The following CETN2 variants were observed in gnomAD, a reference collection of about 807,000 sequenced individuals.
CETN2 encodes the protein centrin 2.
Under a neutral mutation model 12.6 loss-of-function variants are expected in CETN2, and 2 were observed. The ratio of observed to expected loss-of-function variants is 0.16; its 90% CI spans 0.07 to 0.50. CETN2 has a LOEUF of 0.50. Ranked by LOEUF, CETN2 falls within the 20% of genes least tolerant of loss-of-function variation. The probability of loss-of-function intolerance (pLI) is 0.96; values close to 1 mark genes in which losing one functional copy is unlikely to be tolerated. For synonymous variants in CETN2, 41 were observed against 43.4 expected (o/e 0.94, Z 0.22); for missense variants, 81 against 128.3 (o/e 0.63, Z 1.78).
intron 3 of CETN2, 155 bp from the exon 4 acceptor site, chrX:152,828,829 G>T: frequency 1.8e-6 from 1 of 560,221 alleles, no homozygotes; most frequent in Non-Finnish European, 2.7e-6. Context: ...AGCCCATTTT[G>T]GCCTCAAAGA....
intron 3 of CETN2, 161 bp from the exon 4 acceptor site, chrX:152,828,835 A>G: frequency 5.7e-6 from 3 of 527,860 alleles, no homozygotes; most frequent in Non-Finnish European, 9.0e-6. Context: ...TTTTGGCCTC[A>G]AAGAAACACC....
Position 152,827,494 on chromosome X carries a change from A to G in CETN2, c.*347T>C, listed in dbSNP as rs141585323. 6.8e-3 allele frequency: 1,118 copies of G among 163,647 alleles called. 13 individuals are homozygous for G. The highest frequency in any genetic ancestry group is 0.031 in the African/African-American group (1,040 of 33,453). 13.5% of individuals were successfully genotyped at this position (163,647 alleles called of 1,213,427 possible). A position where few individuals can be genotyped will look rare whatever the true frequency, so the allele number is the denominator to read the frequency against. On this transcript the variant is annotated 3_prime_UTR_variant, in exon 5 of 5. Transcript: ENST00000370277. Reference sequence around the variant, plus strand: ...CTGCTTGTGGCAACACAGGTGTAACATGTGCTTGTCTAAAGTCGTTCTGTG... The same window carrying G: ...CTGCTTGTGGCAACACAGGTGTAACGTGTGCTTGTCTAAAGTCGTTCTGTG...
At chrX:152,829,552 A>G in intron 2 of CETN2, 50 bp downstream of exon 2, 1 of 1,141,586 alleles carries the variant, frequency 8.8e-7, no homozygotes, top group Non-Finnish European at 1.2e-6. Flanking sequence ...GATGACAAGG[A>G]AGAGGCAGAG....
chrX:152,830,713 CCA>C lies in CETN2; in HGVS notation c.-5_-4del. On this transcript the variant is annotated 5_prime_UTR_variant, in exon 1 of 5. Transcript: ENST00000370277. ...GACAGAGCGGCAGCACTCACCATAG[CCA>C]AAGGAGTCCGCTGCCGGTTGTTAGG... 8.5e-7 allele frequency: 1 copy of C among 1,175,056 alleles called. No homozygotes were observed.
intron 3 of CETN2, 62 bp from the exon 4 acceptor site, chrX:152,828,736 T>G (rs1932973970): frequency 1.9e-6 from 2 of 1,036,029 alleles, no homozygotes; most frequent in Admixed American, 5.5e-5. Context: ...ACTACTGTCC[T>G]GTAGCCCTGC....
At position 152,828,570 on chromosome X, in the gene CETN2, C is replaced by A. The variant is rs1556842933; in HGVS notation, c.396G>T (p.Glu132Asp). 2 of 1,211,760 alleles carry A rather than the reference C, an allele frequency of 1.7e-6. No individual in the cohort carries two copies. The highest frequency in any genetic ancestry group is 2.2e-6 in the Non-Finnish European group (2 of 895,382). The change falls in exon 4 of 5, where the codon GAG (glutamate) becomes GAT (aspartate). Residue 132 changes from glutamate (E) to aspartate (D), a missense_variant. By Grantham distance (45) the Glu-to-Asp change is conservative. Transcript: ENST00000370277. Reference sequence around the variant, plus strand: ...CCTCATCAGTCAGGTTCTCACCCAACTCCTTGGCCACGCGTTTCAGATTTT... The same window carrying A: ...CCTCATCAGTCAGGTTCTCACCCAAATCCTTGGCCACGCGTTTCAGATTTT... The part of the protein sequence containing the change: ...SFKNLKRVAK[E>D]LGENLTDEEL...
chrX:152,828,700 T>C (rs1556842968), intron 3 of CETN2, 26 bp from the exon 4 acceptor site: 2 of 1,191,749 alleles, frequency 1.7e-6, no homozygotes, highest in Non-Finnish European at 2.3e-6. Context: ...ATAAAACACA[T>C]GAGTAGGGGG....
Position 152,829,211 on chromosome X carries a change from C to A in CETN2, c.229G>T (p.Asp77Tyr). ...TTCATTTTTCCTGTCCCTTCCTTAT[C>A]AATTTCACTTATCATTTTCTTAATT... ...EEIKKMISEI[D>Y]KEGTGKMNFG... The change falls in exon 3 of 5, where the codon GAT becomes TAT. Residue 77 changes from aspartate (D) to tyrosine (Y), a missense_variant. Transcript: ENST00000370277. 8.3e-7 allele frequency: 1 copy of A among 1,206,685 alleles called. No individual in the cohort carries two copies.
Position 152,827,377 on chromosome X carries a change from C to A in CETN2, c.*464G>T. 1 of 117,827 alleles carries A rather than the reference C, an allele frequency of 8.5e-6. No homozygotes were observed. 9.7% of individuals were successfully genotyped at this position (117,827 alleles called of 1,213,427 possible). ...TAAGACAAAACAAATAGCATTAACA[C>A]ACATCCAAATGCCAGTGCAGGAGTT... On this transcript the variant is annotated 3_prime_UTR_variant, in exon 5 of 5. Transcript: ENST00000370277.
At chrX:152,829,935 G>T (rs782744942) in intron 1 of CETN2, among the ~76,000 whole-genome samples, 175 bp from the exon 2 acceptor site, 1 of 112,081 alleles carries the variant, frequency 8.9e-6, no homozygotes, top group African/African-American at 3.2e-5. Context: ...ATCTTTCCAT[G>T]AACTTCTACC....
intron 4 of CETN2, 26 bp from the exon 5 acceptor site, chrX:152,827,956 A>C (rs369170435): frequency 1.7e-5 from 20 of 1,158,082 alleles, no homozygotes; most frequent in Admixed American, 2.3e-5. Context: ...GATTCAGGTT[A>C]ATTTATAAAC....
chrX:152,830,214 T>C (rs1165246828), intron 1 of CETN2, among the ~76,000 whole-genome samples: 1 of 113,476 alleles, frequency 8.8e-6, no homozygotes, highest in African/African-American at 3.2e-5. Context: ...AAGATGTATA[T>C]TGTGTCAGTA....
intron 1 of CETN2, among the ~76,000 whole-genome samples, chrX:152,830,240 C>CAA (rs1466618052): frequency 8.8e-6 from 1 of 113,510 alleles, no homozygotes; most frequent in Non-Finnish European, 1.9e-5. Context: ...TAATAAAACT[C>CAA]AATCCATCTG....
rs1482821975 is a variant in CETN2, at chrX:152,829,223, T to A, written c.217A>T (p.Ile73Leu). ...GTCCCTTCCTTATCAATTTCACTTATCATTTTCTTAATTTCTTCTTTCTTG... is the reference window on the plus strand; with the variant it reads ...GTCCCTTCCTTATCAATTTCACTTAACATTTTCTTAATTTCTTCTTTCTTG... Reference protein sequence around the residue: ...EPKKEEIKKMISEIDKEGTGK... With the variant: ...EPKKEEIKKMLSEIDKEGTGK... Residue 73 changes from isoleucine (I) to leucine (L), a missense_variant, in exon 3 of 5, where the codon ATA (isoleucine) becomes TTA (leucine). By Grantham distance (5) the Ile-to-Leu change is conservative. Coordinates refer to ENST00000370277, the MANE Select transcript of CETN2 (RefSeq NM_004344.3). The A allele has an allele frequency of 1.7e-6, 2 of 1,204,242 alleles. No homozygotes were observed. The highest frequency in any genetic ancestry group is 3.5e-5 in the African/African-American group (2 of 56,783).
intron 2 of CETN2, 119 bp downstream of exon 2, chrX:152,829,483 C>T: frequency 1.1e-6 from 1 of 922,025 alleles, no homozygotes; most frequent in Non-Finnish European, 1.5e-6. Flanking sequence ...CACAGTACAA[C>T]CTCCCCTGTT....
Position 152,827,814 on chromosome X carries a change from T to C in CETN2, c.*27A>G, listed in dbSNP as rs1372340224. 1 of 1,151,633 alleles carries C rather than the reference T, an allele frequency of 8.7e-7. No homozygotes were observed. The highest frequency in any genetic ancestry group is 1.2e-6 in the Non-Finnish European group (1 of 843,539). 94.9% of individuals were successfully genotyped at this position (1,151,633 alleles called of 1,213,427 possible). On this transcript the variant is annotated 3_prime_UTR_variant, in exon 5 of 5. Transcript: ENST00000370277. ...AGGCACTAAATCTAGTTACATGTGC[T>C]TGCAGTAGAAAAAGAAGACACTGAT...
At chrX:152,830,506 T>C (rs1427927485) in intron 1 of CETN2, among the ~76,000 whole-genome samples, 22 of 112,284 alleles carry the variant, frequency 2.0e-4, no homozygotes, top group African/African-American at 6.8e-4. Context: ...TGTGGGCCTG[T>C]TGTGGGTGAA....
intron 2 of CETN2, 34 bp from the exon 3 acceptor site, chrX:152,829,311 A>G (rs1157744729): frequency 2.6e-6 from 3 of 1,155,242 alleles, no homozygotes; most frequent in Non-Finnish European, 3.4e-6. Context: ...CAATAAGCAC[A>G]TCTAAAGTAG....
At chrX:152,828,003 T>C (rs1409953893) in intron 4 of CETN2, 73 bp from the exon 5 acceptor site, 2 of 890,496 alleles carry the variant, frequency 2.2e-6, no homozygotes, top group African/African-American at 4.0e-5. Flanking sequence ...GACTTTTTTT[T>C]TTTTAGAGAT....
Sources: allele counts gnomAD v4.1 joint callset (sites outside exome capture counted in the v4.1 genomes callset), GRCh38; gene constraint gnomAD v4.1.1; transcripts MANE v1.5; gene names NCBI Gene and HGNC (gene_info 2026-07-23, HGNC 2026-07-21).